The following EHD3 variants were observed in gnomAD, a reference collection of about 807,000 sequenced individuals.
EHD3 encodes EH domain-containing protein 3.
EHD3 carries 17 observed loss-of-function variants against 43.0 expected under a neutral mutation model. The observed-to-expected ratio is 0.40, with a 90% CI of 0.27 to 0.59. EHD3 has a LOEUF of 0.59. EHD3 is among the 20% of genes least tolerant of loss of function. EHD3 has a pLI of 0.49. For synonymous variants in EHD3, 313 were observed against 289.5 expected (o/e 1.08, Z -0.82); for missense variants, 594 against 705.6 (o/e 0.84, Z 1.79).
At chr2:31,244,931 C>A (rs1385551296) in intron 2 of EHD3, among the ~76,000 whole-genome samples, 1 of 152,160 alleles carries the variant, frequency 6.6e-6, no homozygotes, top group African/African-American at 2.4e-5. Flanking sequence ...AATGACCTTG[C>A]ACAGGTCACC....
chr2:31,258,975 T>C (rs72861152), intron 3 of EHD3, among the ~76,000 whole-genome samples: 2,011 of 152,336 alleles, frequency 0.013, 49 homozygotes, highest in African/African-American at 0.046. Context: ...TAAGTCTGAC[T>C]CACTCACAAG....
At chr2:31,255,062 T>G (rs778238883) in intron 3 of EHD3, among the ~76,000 whole-genome samples, 5 of 152,178 alleles carry the variant, frequency 3.3e-5, no homozygotes, top group Admixed American at 6.5e-5. Context: ...TACTTCAAAG[T>G]GCTTTCTTTC....
At chr2:31,251,917 C>G (rs948020345) in intron 3 of EHD3, among the ~76,000 whole-genome samples, 4 of 152,174 alleles carry the variant, frequency 2.6e-5, no homozygotes, top group African/African-American at 7.2e-5. Context: ...TGCGTTTAAG[C>G]CTGAAGGGGA....
Position 31,256,448 on chromosome 2 carries a change from G to A in EHD3, c.503-4062G>A, listed in dbSNP as rs753401065. ...TCCACGTTTTCCACGTTTCACTTCC[G>A]TTCAGCAAATACTGATAGTGCACCT... is the stretch of plus-strand genomic sequence containing the variant. On this transcript the variant is annotated intron_variant, in intron 3 of 5. Transcript: ENST00000322054. Among the ~76,000 whole-genome samples the A allele has an allele frequency of 3.9e-5, 6 of 152,146 alleles. 1 individual carries two copies. The highest frequency in any genetic ancestry group is 4.1e-4 in the South Asian group (2 of 4,830).
rs1194459979 is a variant in EHD3 at position 31,269,230 on chromosome 2, G to T, written c.*2526G>T. On this transcript the variant is annotated 3_prime_UTR_variant, in exon 6 of 6. Coordinates refer to ENST00000322054, the MANE Select transcript of EHD3 (RefSeq NM_014600.3). ...TAGAGCACTTGTCCTGTTGTTCCTT[G>T]CCCCGACATTACTCAGTCTGGGCCA... The T allele has an allele frequency of 1.3e-5, 2 of 152,110 alleles. No individual in the cohort carries two copies. Among genetic ancestry groups the T allele is most frequent in the Non-Finnish European group, 2.9e-5 (2 of 68,034 alleles). 9.4% of individuals were successfully genotyped at this position (152,110 alleles called of 1,614,324 possible). A position where few individuals can be genotyped will look rare whatever the true frequency, so the allele number is the denominator to read the frequency against.
At chr2:31,253,949 T>A (rs1027425173) in intron 3 of EHD3, among the ~76,000 whole-genome samples, 46 of 152,266 alleles carry the variant, frequency 3.0e-4, no homozygotes, top group African/African-American at 1.0e-3. Flanking sequence ...CTGAGTGTCC[T>A]GAGCTTAGGA....
intron 1 of EHD3, among the ~76,000 whole-genome samples, chr2:31,241,678 A>G (rs1683427551): frequency 6.6e-6 from 1 of 152,178 alleles, no homozygotes; most frequent in African/African-American, 2.4e-5. Context: ...ATTACCCGCC[A>G]TGTTATGGAG....
At chr2:31,258,887 A>G (rs1255255450) in intron 3 of EHD3, among the ~76,000 whole-genome samples, 1 of 145,358 alleles carries the variant, frequency 6.9e-6, no homozygotes, top group East Asian at 2.0e-4. Flanking sequence ...GAGTCCAACC[A>G]TCTGGGTTTT....
chr2:31,249,554 A>C (rs1264929474), intron 3 of EHD3, 86 bp downstream of exon 3: 1 of 1,215,098 alleles, frequency 8.2e-7, no homozygotes, highest in Non-Finnish European at 1.2e-6. Flanking sequence ...AGAAGCACCC[A>C]GGGCCATGCT....
chr2:31,243,927 T>G (rs2148716963), intron 1 of EHD3, among the ~76,000 whole-genome samples: 1 of 152,306 alleles, frequency 6.6e-6, no homozygotes, highest in Middle Eastern at 3.4e-3. Context: ...GCAGGTTACC[T>G]TCAGTTATGG....
chr2:31,245,400 T>C (rs1276795640), intron 2 of EHD3, among the ~76,000 whole-genome samples: 6 of 151,922 alleles, frequency 3.9e-5, no homozygotes, highest in Admixed American at 6.6e-5. Flanking sequence ...TTAGTGATAG[T>C]GTTACTATGT....
At chr2:31,261,024 T>TCAC in intron 4 of EHD3, 102 bp downstream of exon 4, 1 of 1,341,310 alleles carries the variant, frequency 7.5e-7, no homozygotes, top group Non-Finnish European at 1.0e-6. Flanking sequence ...CAGTGCATCA[T>TCAC]GTGTGTGACA....
Position 31,260,639 on chromosome 2 carries a change from A to T in EHD3, c.632A>T (p.Glu211Val). The change falls in exon 4 of 6, where the codon GAG (glutamate) becomes GTG (valine). Residue 211 changes from glutamate to valine, a missense_variant. Physicochemically the swap from Glu to Val is moderately radical, Grantham distance 121. Transcript: ENST00000322054. The surrounding 1 kb of genome is among the most constrained non-coding windows in gnomAD (Gnocchi z 4.6). ...SEVIKALKNH[E>V]DKMRVVLNKA... ...GTCATCAAAGCCCTCAAGAACCACG[A>T]GGACAAGATGCGAGTGGTGCTGAAC... 6.2e-7 allele frequency: 1 copy of T among 1,614,228 alleles called. No individual in the cohort carries two copies. The highest frequency in any genetic ancestry group is 8.5e-7 in the Non-Finnish European group (1 of 1,180,046).
intron 1 of EHD3, among the ~76,000 whole-genome samples, chr2:31,237,383 A>G (rs911882308): frequency 7.2e-5 from 11 of 152,040 alleles, no homozygotes; most frequent in Non-Finnish European, 8.8e-5. Context: ...CTATACATAT[A>G]ATTTTGTATG....
intron 3 of EHD3, among the ~76,000 whole-genome samples, chr2:31,256,786 G>A (rs1218366110): frequency 6.6e-6 from 1 of 152,208 alleles, no homozygotes; most frequent in Non-Finnish European, 1.5e-5. Context: ...AGCTTCTCTG[G>A]TGTCTTTGTT....
chr2:31,241,119 G>T (rs1194700301), intron 1 of EHD3, among the ~76,000 whole-genome samples: 2 of 152,158 alleles, frequency 1.3e-5, no homozygotes, highest in Non-Finnish European at 2.9e-5. Context: ...GCCAAGCAGG[G>T]AACCCCACAG....
chr2:31,239,846 A>ACT (rs3835890), intron 1 of EHD3, among the ~76,000 whole-genome samples: 121,837 of 151,944 alleles, frequency 0.8, 49,384 homozygotes, highest in East Asian at 0.95. Context: ...TCTCGAGCTG[A>ACT]CTCTAACAGG....
chr2:31,253,152 G>C (rs184759620), intron 3 of EHD3, among the ~76,000 whole-genome samples: 12 of 60,008 alleles, frequency 2.0e-4, no homozygotes, highest in Non-Finnish European at 3.3e-4. Flanking sequence ...CTCCTTTTAC[G>C]CACACACCCA....
intron 1 of EHD3, among the ~76,000 whole-genome samples, chr2:31,236,413 A>C (rs1683325316): frequency 1.3e-5 from 2 of 152,248 alleles, no homozygotes; most frequent in South Asian, 2.1e-4. Flanking sequence ...CCAAATTTGC[A>C]TATAATGTTG....
Sources: gnomAD v4.1 joint callset for allele counts (sites outside exome capture counted in the v4.1 genomes callset) on GRCh38, gnomAD v4.1.1 for gene constraint, Gnocchi (gnomAD v3.1) non-coding constraint, MANE v1.5 for transcripts, NCBI Gene and HGNC (gene_info 2026-07-23, HGNC 2026-07-21) for gene names.